The following LPP variants were observed in gnomAD, a reference collection of about 807,000 sequenced individuals.
LPP encodes LIM domain containing preferred translocation partner in lipoma, also known as lipoma-preferred partner.
In LPP, 38 loss-of-function variants were observed where a neutral mutation model predicts 60.4. The observed-to-expected ratio is 0.63, with a 90% CI of 0.49 to 0.83. The LOEUF is 0.83. Ranked by LOEUF, LPP falls within the 40% of genes least tolerant of loss-of-function variation. The pLI, the probability that LPP is intolerant of heterozygous loss-of-function variation, is 0.00. For synonymous variants in LPP, 328 were observed against 290.8 expected (o/e 1.13, Z -1.30); for missense variants, 902 against 783.6 (o/e 1.15, Z -1.80).
intron 4 of LPP, among the ~76,000 whole-genome samples, chr3:188,409,205 T>G (rs541816666): frequency 6.6e-6 from 1 of 152,310 alleles, no homozygotes; most frequent in Non-Finnish European, 1.5e-5. Flanking sequence ...TTTCTGAAAT[T>G]TTGGCTCTCT....
Position 188,872,570 on chromosome 3 carries a change from C to T in LPP, c.1590-73C>T, listed in dbSNP as rs4687001. On this transcript the variant is annotated intron_variant, in intron 10 of 11. Coordinates refer to ENST00000617246, the MANE Select transcript of LPP (RefSeq NM_001375462.1). ...GTATACCGACTCTCAGTTTCCACCT[C>T]TTCCTTTTACCTCTGCGTCCCACCT... 1,479,646 of 1,578,840 alleles carry T rather than the reference C, an allele frequency of 0.94. 693,779 individuals are homozygous for T. Among genetic ancestry groups the T allele is most frequent in the East Asian group, 1 (44,557 of 44,576 alleles).
intron 4 of LPP, among the ~76,000 whole-genome samples, chr3:188,447,982 T>A (rs1482761621): frequency 6.6e-6 from 1 of 152,184 alleles, no homozygotes; most frequent in Non-Finnish European, 1.5e-5. Flanking sequence ...GAAGAGTAGA[T>A]TGGAGGTTGT....
chr3:188,640,396 A>C (rs1490703471), intron 7 of LPP, among the ~76,000 whole-genome samples: 1 of 144,232 alleles, frequency 6.9e-6, no homozygotes, highest in East Asian at 2.1e-4. Context: ...GAGGGATAGC[A>C]TTGGGAGATA....
At chr3:188,793,635 G>A (rs557968883) in intron 9 of LPP, among the ~76,000 whole-genome samples, 18 of 152,294 alleles carry the variant, frequency 1.2e-4, no homozygotes, top group African/African-American at 4.1e-4. Context: ...ATTAGCAGAA[G>A]GGTATCCAGG....
chr3:188,717,382 T>C, intron 8 of LPP, among the ~76,000 whole-genome samples: 1 of 152,252 alleles, frequency 6.6e-6, no homozygotes, highest in East Asian at 1.9e-4. Flanking sequence ...TGTGTTATTA[T>C]GTGACAAGAA....
chr3:188,888,153 C>CT lies in LPP; in HGVS notation c.*13678dup, dbSNP rs1770889468. 6 of 219,612 alleles carry CT rather than the reference C, an allele frequency of 2.7e-5. No homozygotes were observed. The South Asian group carries it at 1.1e-3, about 41-fold the overall frequency. 13.6% of individuals were successfully genotyped at this position (219,612 alleles called of 1,614,324 possible). A position where few individuals can be genotyped will look rare whatever the true frequency, so the allele number is the denominator to read the frequency against. On this transcript the variant is annotated 3_prime_UTR_variant, in exon 12 of 12. Transcript: ENST00000617246. Reference sequence around the variant, plus strand: ...ACCACTTTTGTTTTGTTTGTTTTGTCTTTTAACCTACACCTTTATCATTAC... The same window carrying CT: ...ACCACTTTTGTTTTGTTTGTTTTGTCTTTTTAACCTACACCTTTATCATTAC...
At chr3:188,860,303 C>T (rs1222185387) in intron 9 of LPP, among the ~76,000 whole-genome samples, 1 of 152,110 alleles carries the variant, frequency 6.6e-6, no homozygotes, top group Non-Finnish European at 1.5e-5. Flanking sequence ...CAGATAATGG[C>T]ACTGGCATTT....
intron 4 of LPP, among the ~76,000 whole-genome samples, chr3:188,408,206 T>G (rs1041205415): frequency 2.0e-5 from 3 of 152,096 alleles, no homozygotes; most frequent in African/African-American, 7.2e-5. Context: ...AATACAGACA[T>G]GGCCAGTTAT....
chr3:188,670,937 G>A (rs141029320), intron 7 of LPP, among the ~76,000 whole-genome samples: 71 of 152,174 alleles, frequency 4.7e-4, no homozygotes, highest in African/African-American at 1.5e-3. Context: ...CTTCAGCTCC[G>A]TTGCTACTTC....
At chr3:188,551,962 A>G in intron 6 of LPP, among the ~76,000 whole-genome samples, 1 of 152,152 alleles carries the variant, frequency 6.6e-6, no homozygotes, top group East Asian at 1.9e-4. Context: ...TTGTAAGTCA[A>G]GCAAAGGAGT....
At chr3:188,301,959 AT>A (rs1305401847) in intron 2 of LPP, among the ~76,000 whole-genome samples, 3 of 149,780 alleles carry the variant, frequency 2.0e-5, no homozygotes, top group Non-Finnish European at 2.9e-5. Context: ...ACCCAGCCCA[AT>A]TTACTGACTT....
chr3:188,821,156 G>T (rs78210485), intron 9 of LPP, among the ~76,000 whole-genome samples: 3,503 of 150,888 alleles, frequency 0.023, 121 homozygotes, highest in African/African-American at 0.081. Flanking sequence ...AAATCCTAAT[G>T]AATGTAACTT....
At chr3:188,478,627 T>C (rs1803877103) in intron 4 of LPP, among the ~76,000 whole-genome samples, 1 of 152,184 alleles carries the variant, frequency 6.6e-6, no homozygotes, top group Non-Finnish European at 1.5e-5. Context: ...GACTATAGAA[T>C]TGCCTTGCCT....
chr3:188,276,391 G>A (rs1316804101), intron 2 of LPP, among the ~76,000 whole-genome samples: 5 of 152,342 alleles, frequency 3.3e-5, no homozygotes, highest in Non-Finnish European at 7.3e-5. Flanking sequence ...GGAGTGGCAG[G>A]TAGGTGCTCT....
intron 9 of LPP, among the ~76,000 whole-genome samples, chr3:188,811,192 G>A (rs577038816): frequency 2.8e-4 from 42 of 152,022 alleles, no homozygotes; most frequent in Admixed American, 7.9e-4. Context: ...AGTGGCCATA[G>A]GATATCATTT....
intron 1 of LPP, among the ~76,000 whole-genome samples, chr3:188,191,976 A>AG (rs895190274): frequency 2.6e-5 from 4 of 151,970 alleles, no homozygotes; most frequent in African/African-American, 7.3e-5. Context: ...GAGGGTTCCT[A>AG]GGGGGGGATT....
chr3:188,484,722 A>T lies in LPP; in HGVS notation c.306+18A>T. Reference sequence around the variant, plus strand: ...AAGTACAGGTAAGAGCTGAAGTTAAAGTCATGTTAGGTAAGAGCTGAAGTT... The same window carrying T: ...AAGTACAGGTAAGAGCTGAAGTTAATGTCATGTTAGGTAAGAGCTGAAGTT... On this transcript the variant is annotated intron_variant, in intron 5 of 11. Transcript: ENST00000617246. 2.6e-6 allele frequency: 4 copies of T among 1,562,808 alleles called. No individual in the cohort carries two copies. The highest frequency in any genetic ancestry group is 3.5e-6 in the Non-Finnish European group (4 of 1,133,590).
chr3:188,760,391 T>G lies in LPP; in HGVS notation c.1410+109T>G. 3 of 1,071,676 alleles carry G rather than the reference T, an allele frequency of 2.8e-6. No individual in the cohort carries two copies. The South Asian group carries it at 4.2e-5, about 15-fold the overall frequency. 66.4% of individuals were successfully genotyped at this position (1,071,676 alleles called of 1,614,324 possible). On this transcript the variant is annotated intron_variant, in intron 9 of 11. Coordinates refer to ENST00000617246, the MANE Select transcript of LPP (RefSeq NM_001375462.1). Reference sequence around the variant, plus strand: ...ATCAGATCTTTGCTTCTTCCTAGACTTCAAAATGTGTGTGTGGGGTGTGTG... The same window carrying G: ...ATCAGATCTTTGCTTCTTCCTAGACGTCAAAATGTGTGTGTGGGGTGTGTG...
chr3:188,800,494 C>T (rs1001256241), intron 9 of LPP, among the ~76,000 whole-genome samples: 4 of 152,096 alleles, frequency 2.6e-5, no homozygotes, highest in Non-Finnish European at 5.9e-5. Context: ...ATCCGCCCAC[C>T]TTGGCCTCCC....
Sources: allele counts gnomAD v4.1 joint callset (sites outside exome capture counted in the v4.1 genomes callset), GRCh38; gene constraint gnomAD v4.1.1; transcripts MANE v1.5; gene names NCBI Gene and HGNC (gene_info 2026-07-23, HGNC 2026-07-21).